Variants in LRRC3B observed in about 807,000 individuals in gnomAD.
LRRC3B encodes leucine-rich repeat-containing protein 3B.
LRRC3B carries 2 observed loss-of-function variants against 12.8 expected under a neutral mutation model. The ratio of observed to expected loss-of-function variants is 0.16; its 90% CI spans 0.06 to 0.49. The LOEUF (loss-of-function observed/expected upper bound fraction) is 0.49. Ranked by LOEUF, LRRC3B falls within the 20% of genes least tolerant of loss-of-function variation. LRRC3B has a pLI of 0.96. For missense variants in LRRC3B, 189 were observed against 319.4 expected, an observed-to-expected ratio of 0.59 and a Z score of 3.11; for synonymous variants, 132 against 122.0, an observed-to-expected ratio of 1.08 and a Z score of -0.54.
At chr3:26,642,099 C>A (rs1430832452) in intron 1 of LRRC3B, among the ~76,000 whole-genome samples, 1 of 152,206 alleles carries the variant, frequency 6.6e-6, no homozygotes, top group Non-Finnish European at 1.5e-5. Flanking sequence ...TCCTTCATGT[C>A]TCGCTTAATA....
At chr3:26,641,887 G>A (rs1245520312) in intron 1 of LRRC3B, among the ~76,000 whole-genome samples, 1 of 152,266 alleles carries the variant, frequency 6.6e-6, no homozygotes, top group African/African-American at 2.4e-5. Flanking sequence ...ATCTTAAAGA[G>A]GTCTTGTTCA....
intron 1 of LRRC3B, among the ~76,000 whole-genome samples, chr3:26,651,478 T>G (rs1049755022): frequency 4.6e-5 from 7 of 152,224 alleles, no homozygotes; most frequent in Non-Finnish European, 7.3e-5. Flanking sequence ...TTGTTTAGTA[T>G]TTGTCTCCTC....
intron 1 of LRRC3B, among the ~76,000 whole-genome samples, chr3:26,686,600 T>G (rs564645921): frequency 6.6e-6 from 1 of 152,118 alleles, no homozygotes; most frequent in Admixed American, 6.5e-5. Flanking sequence ...AAGTAAATAT[T>G]CAGCTCAGAA....
At chr3:26,628,924 G>A (rs1323641729) in intron 1 of LRRC3B, among the ~76,000 whole-genome samples, 1 of 151,352 alleles carries the variant, frequency 6.6e-6, no homozygotes, top group Non-Finnish European at 1.5e-5. Flanking sequence ...ATTAGGAAAG[G>A]TTATGAAATT....
At chr3:26,683,857 A>T (rs1700020326) in intron 1 of LRRC3B, among the ~76,000 whole-genome samples, 1 of 152,196 alleles carries the variant, frequency 6.6e-6, no homozygotes, top group Non-Finnish European at 1.5e-5. Flanking sequence ...TCAGGAATAA[A>T]TCTCTGTTCT....
chr3:26,690,993 G>T (rs1278197645), intron 1 of LRRC3B, among the ~76,000 whole-genome samples: 1 of 149,868 alleles, frequency 6.7e-6, no homozygotes, highest in Non-Finnish European at 1.5e-5. Flanking sequence ...TTTCTTTAGG[G>T]AACAAGGACT....
At chr3:26,671,367 T>TAGAGAGAGAGAGAGAGAGAGAG (rs1480789861) in intron 1 of LRRC3B, among the ~76,000 whole-genome samples, 4 of 40,292 alleles carry the variant, frequency 9.9e-5, no homozygotes, top group Admixed American at 4.1e-4. Flanking sequence ...TATATATATA[T>TAGAGAGAGAGAGAGAGAGAGAG]ATATATAGAG....
At chr3:26,692,480 A>G (rs1700211808) in intron 1 of LRRC3B, among the ~76,000 whole-genome samples, 2 of 152,236 alleles carry the variant, frequency 1.3e-5, no homozygotes, top group South Asian at 2.1e-4. Context: ...GAAAGTTACC[A>G]TAACAACTTA....
At chr3:26,704,576 ATTT>A (rs781434744) in intron 1 of LRRC3B, among the ~76,000 whole-genome samples, 2 of 149,334 alleles carry the variant, frequency 1.3e-5, no homozygotes, top group Non-Finnish European at 3.0e-5. Context: ...TTTTATTTTT[ATTT>A]TTTAGAGACA....
At chr3:26,709,844 A>G (rs1419982650) in exon 2 of LRRC3B, 8 of 1,613,964 alleles carry the variant, frequency 5.0e-6, no homozygotes, top group Non-Finnish European at 5.9e-6. Flanking sequence ...TCTCAAGGAA[A>G]TACCTAGAGA....
intron 1 of LRRC3B, among the ~76,000 whole-genome samples, chr3:26,663,342 C>T (rs1699534735): frequency 2.0e-5 from 3 of 152,060 alleles, no homozygotes; most frequent in Non-Finnish European, 4.4e-5. Context: ...TACACACATG[C>T]ATCTTTATTT....
At chr3:26,653,571 A>G (rs898667446) in intron 1 of LRRC3B, among the ~76,000 whole-genome samples, 8 of 123,490 alleles carry the variant, frequency 6.5e-5, no homozygotes, top group African/African-American at 3.3e-4. Context: ...CAAAAAGAAG[A>G]ACTCACAGAA....
chr3:26,638,923 G>T lies in LRRC3B; in HGVS notation c.-161+15686G>T, dbSNP rs1318683439. Among the ~76,000 whole-genome samples, 4 of 152,158 alleles carry T rather than the reference G, an allele frequency of 2.6e-5. No individual in the cohort carries two copies. The South Asian group carries it at 6.2e-4, about 24-fold the overall frequency. ...AGTCCTAAGGATTTTTTTGGAAGGG[G>T]CTCATCAGCTACCCTGAAGGTTGCT... On this transcript the variant is annotated intron_variant, in intron 1 of 1. Coordinates refer to ENST00000396641, the Ensembl canonical transcript of LRRC3B.
chr3:26,691,105 G>GTGTGTGTGTGTATATATA (rs372629683), intron 1 of LRRC3B, among the ~76,000 whole-genome samples: 1 of 84,850 alleles, frequency 1.2e-5, no homozygotes, highest in African/African-American at 4.6e-5. Context: ...GTGTGTGTGT[G>GTGTGTGTGTGTATATATA]TATATATATA....
At chr3:26,640,180 T>G (rs1211367649) in intron 1 of LRRC3B, among the ~76,000 whole-genome samples, 1 of 152,158 alleles carries the variant, frequency 6.6e-6, no homozygotes. Context: ...TCAAAGAGCC[T>G]AATTTAAGAA....
rs187160215 is a variant in LRRC3B at position 26,635,991 on chromosome 3, C to T, written c.-161+12754C>T. On this transcript the variant is annotated intron_variant, in intron 1 of 1. Transcript: ENST00000396641. ...GGATGCGCATACACACACATACACACACCCCAAAATATTAGCAACCTCTAC... is the reference window on the plus strand; with the variant it reads ...GGATGCGCATACACACACATACACATACCCCAAAATATTAGCAACCTCTAC... Among the ~76,000 whole-genome samples, 58 of 152,220 alleles carry T rather than the reference C, an allele frequency of 3.8e-4. 1 individual carries two copies. Among genetic ancestry groups the T allele is most frequent in the Admixed American group, 2.1e-3 (32 of 15,284 alleles).
intron 1 of LRRC3B, among the ~76,000 whole-genome samples, chr3:26,626,615 A>G (rs2125396567): frequency 6.6e-6 from 1 of 152,284 alleles, no homozygotes; most frequent in East Asian, 1.9e-4. Context: ...TCTTAAAATT[A>G]ATTAGGAAAA....
chr3:26,678,225 G>A (rs535642690), intron 1 of LRRC3B, among the ~76,000 whole-genome samples: 2 of 152,026 alleles, frequency 1.3e-5, no homozygotes, highest in Non-Finnish European at 2.9e-5. Flanking sequence ...TGGGTGCGGT[G>A]GATCATGCCT....
chr3:26,668,297 C>A (rs1699650590), intron 1 of LRRC3B, among the ~76,000 whole-genome samples: 1 of 152,024 alleles, frequency 6.6e-6, no homozygotes, highest in Non-Finnish European at 1.5e-5. Flanking sequence ...AGAGCCAGAG[C>A]TGGTTACTTA....
Sources: gnomAD v4.1 joint callset for allele counts (sites outside exome capture counted in the v4.1 genomes callset) on GRCh38, gnomAD v4.1.1 for gene constraint, MANE v1.5 for transcripts, NCBI Gene and HGNC (gene_info 2026-07-23, HGNC 2026-07-21) for gene names.